DLG2: variants seen among roughly 807,000 people sequenced by gnomAD.
DLG2 encodes disks large homolog 2.
A neutral mutation model predicts 132.5 loss-of-function variants in DLG2; 45 were observed. The ratio of observed to expected loss-of-function variants is 0.34; its 90% CI spans 0.27 to 0.44. The LOEUF is 0.44. Ranked by LOEUF, DLG2 falls within the 20% of genes least tolerant of loss-of-function variation. The pLI is 1.00. For synonymous variants in DLG2, 424 were observed against 419.6 expected (o/e 1.01, Z -0.13); for missense variants, 1,045 against 1,196.9 (o/e 0.87, Z 1.87).
At chr11:83,981,970 G>C (rs2154175053) in intron 11 of DLG2, among the ~76,000 whole-genome samples, 1 of 152,266 alleles carries the variant, frequency 6.6e-6, no homozygotes, top group Middle Eastern at 3.4e-3. Context: ...GGGCCCAAAA[G>C]ATTATAATGG....
At position 84,502,186 on chromosome 11, in the gene DLG2, T is replaced by TTCTCTCTCTC. The variant is rs1555630792; in HGVS notation, c.519+32374_519+32383dup. ...TCTCTCTCTCTCTCTTTCTCTCTCT[T>TTCTCTCTCTC]TCTCTCTCTCTCTCTCCTTCCTTCC... On this transcript the variant is annotated intron_variant, in intron 7 of 27. Coordinates refer to ENST00000376104, the MANE Select transcript of DLG2 (RefSeq NM_001142699.3). Among the ~76,000 whole-genome samples the TTCTCTCTCTC allele has an allele frequency of 7.0e-3, 90 of 12,880 alleles. 28 individuals carry two copies. The highest frequency in any genetic ancestry group is 0.021 in the South Asian group (4 of 188). 8.4% of individuals were successfully genotyped at this position (12,880 alleles called of 152,430 possible).
At chr11:84,554,318 T>C (rs902346586) in intron 6 of DLG2, among the ~76,000 whole-genome samples, 5 of 152,170 alleles carry the variant, frequency 3.3e-5, no homozygotes, top group African/African-American at 1.2e-4. Context: ...ACTTGCTCAA[T>C]CTTGAGGGCA....
chr11:83,465,840 G>C (rs527751373), intron 26 of DLG2, among the ~76,000 whole-genome samples: 1 of 152,302 alleles, frequency 6.6e-6, no homozygotes, highest in South Asian at 2.1e-4. Context: ...TTACTTAACT[G>C]ATCAGTGGCA....
chr11:84,008,058 A>C (rs191686470), intron 11 of DLG2, among the ~76,000 whole-genome samples: 72 of 151,948 alleles, frequency 4.7e-4, no homozygotes, highest in Non-Finnish European at 8.7e-4. Flanking sequence ...AAATACTAGA[A>C]TATAAAATGA....
At chr11:84,184,729 T>A (rs2096240203) in intron 8 of DLG2, among the ~76,000 whole-genome samples, 1 of 152,170 alleles carries the variant, frequency 6.6e-6, no homozygotes, top group East Asian at 1.9e-4. Context: ...CTTTAATCCA[T>A]CTTGAATTGA....
chr11:84,102,598 T>C (rs2092622718), intron 9 of DLG2, among the ~76,000 whole-genome samples: 2 of 152,246 alleles, frequency 1.3e-5, no homozygotes, highest in South Asian at 2.1e-4. Context: ...CTGTAAGGGA[T>C]AGAGGATCCT....
intron 6 of DLG2, among the ~76,000 whole-genome samples, chr11:84,631,014 T>TCACACA (rs1276421668): frequency 2.3e-5 from 3 of 128,268 alleles, no homozygotes; most frequent in African/African-American, 1.0e-4. Context: ...TCTCTCTCTC[T>TCACACA]CTCTCACACA....
At chr11:83,679,193 T>C (rs1320708874) in intron 18 of DLG2, among the ~76,000 whole-genome samples, 1 of 152,188 alleles carries the variant, frequency 6.6e-6, no homozygotes, top group East Asian at 1.9e-4. Context: ...CTTTATCAAT[T>C]CCTCATTTGA....
intron 12 of DLG2, among the ~76,000 whole-genome samples, chr11:83,966,212 C>A (rs2090155809): frequency 6.6e-6 from 1 of 151,978 alleles, no homozygotes; most frequent in Non-Finnish European, 1.5e-5. Context: ...GCCTGTTTCC[C>A]TCTGGAAAGA....
chr11:85,409,301 A>G lies in DLG2; in HGVS notation c.41-123936T>C, dbSNP rs12419382. Among the ~76,000 whole-genome samples the G allele has an allele frequency of 8.6e-3, 1,301 of 152,026 alleles. 49 individuals carry two copies. The highest frequency in any genetic ancestry group is 0.066 in the Admixed American group (1,000 of 15,228). ...CTGGTTTACATGTAATCTGGTTCAC[A>G]CAAGGTTAAGAACATGGACTCTGTA... On this transcript the variant is annotated intron_variant, in intron 3 of 27. Transcript: ENST00000376104.
chr11:84,959,398 G>A (rs758812597), intron 6 of DLG2, among the ~76,000 whole-genome samples: 7 of 152,122 alleles, frequency 4.6e-5, no homozygotes, highest in Non-Finnish European at 7.4e-5. Flanking sequence ...ATATAAAACA[G>A]AGCCCCTTCC....
At chr11:83,607,451 T>C (rs947407882) in intron 19 of DLG2, among the ~76,000 whole-genome samples, 3 of 152,236 alleles carry the variant, frequency 2.0e-5, no homozygotes, top group African/African-American at 7.2e-5. Context: ...CAGTACCCAC[T>C]GTCCCCGCTG....
chr11:85,436,407 C>G (rs553264816), intron 3 of DLG2, among the ~76,000 whole-genome samples: 37 of 151,916 alleles, frequency 2.4e-4, no homozygotes, highest in Non-Finnish European at 4.4e-4. Flanking sequence ...TGCAATCTAC[C>G]CATCTGACAA....
At chr11:84,115,777 C>G (rs914536813) in intron 9 of DLG2, among the ~76,000 whole-genome samples, 3 of 152,086 alleles carry the variant, frequency 2.0e-5, no homozygotes, top group Non-Finnish European at 4.4e-5. Context: ...ATCTTATCAC[C>G]CTATTATTTT....
chr11:84,523,010 G>C (rs934629919), intron 7 of DLG2, among the ~76,000 whole-genome samples: 7 of 152,152 alleles, frequency 4.6e-5, no homozygotes, highest in Non-Finnish European at 8.8e-5. Context: ...TTGCAGAAGA[G>C]ATAATAATTT....
intron 11 of DLG2, among the ~76,000 whole-genome samples, chr11:84,038,164 T>A (rs1242550820): frequency 6.6e-6 from 1 of 151,720 alleles, no homozygotes; most frequent in Non-Finnish European, 1.5e-5. Context: ...TGTTCCCCTC[T>A]ATGGCTTCTC....
At chr11:84,942,859 T>TCTTTG (rs2049643301) in intron 6 of DLG2, among the ~76,000 whole-genome samples, 1 of 152,196 alleles carries the variant, frequency 6.6e-6, no homozygotes, top group Non-Finnish European at 1.5e-5. Flanking sequence ...TTTTTCCCTC[T>TCTTTG]CTTTGGCTTT....
intron 3 of DLG2, among the ~76,000 whole-genome samples, chr11:85,310,853 G>T (rs2080269550): frequency 6.6e-6 from 1 of 152,080 alleles, no homozygotes; most frequent in Admixed American, 6.6e-5. Context: ...TCCAAGTTTG[G>T]ACCTGAAATG....
intron 10 of DLG2, among the ~76,000 whole-genome samples, chr11:84,089,656 G>A (rs1236916946): frequency 6.6e-6 from 1 of 152,172 alleles, no homozygotes; most frequent in African/African-American, 2.4e-5. Context: ...TGGTTTTTAT[G>A]AGGACAAAGA....
Sources: allele counts gnomAD v4.1 joint callset (sites outside exome capture counted in the v4.1 genomes callset), GRCh38; gene constraint gnomAD v4.1.1; transcripts MANE v1.5; gene names NCBI Gene and HGNC (gene_info 2026-07-23, HGNC 2026-07-21).